The following CLMN variants were observed in gnomAD, a reference collection of about 807,000 sequenced individuals.
The protein encoded by CLMN is calmin (calponin-like, transmembrane).
In CLMN, 57 loss-of-function variants were observed where a neutral mutation model predicts 92.7. The observed-to-expected ratio is 0.61, with a 90% CI of 0.50 to 0.77. The LOEUF (loss-of-function observed/expected upper bound fraction) is 0.77, where lower values mean the gene tolerates loss of function less well. Ranked by LOEUF, CLMN falls within the 30% of genes least tolerant of loss-of-function variation. CLMN has a pLI of 0.00. For missense variants in CLMN, 1,158 were observed against 1,237.5 expected, an observed-to-expected ratio of 0.94 and a Z score of 0.96; for synonymous variants, 466 against 470.6, an observed-to-expected ratio of 0.99 and a Z score of 0.13.
chr14:95,240,899 G>A (rs1000872251), intron 1 of CLMN, among the ~76,000 whole-genome samples: 7 of 152,248 alleles, frequency 4.6e-5, no homozygotes, highest in Non-Finnish European at 1.0e-4. Context: ...GCACCTTGCC[G>A]GGCTGCTTGA....
Position 95,185,234 on chromosome 14 carries a change from G to C in CLMN, c.*6330C>G, listed in dbSNP as rs1490362034. ...GTCTGTGCACCGGGCTCACTTCCAT[G>C]AGCTGCTGACTGCTGTTTTCCAAGG... On this transcript the variant is annotated 3_prime_UTR_variant, in exon 13 of 13. Coordinates refer to ENST00000298912, the MANE Select transcript of CLMN (RefSeq NM_024734.4). The C allele has an allele frequency of 6.6e-6, 1 of 152,298 alleles. No homozygotes were observed. Among genetic ancestry groups the C allele is most frequent in the Non-Finnish European group, 1.5e-5 (1 of 68,086 alleles). 9.4% of individuals were successfully genotyped at this position (152,298 alleles called of 1,614,324 possible).
chr14:95,258,038 CGA>C (rs908888615), intron 1 of CLMN, among the ~76,000 whole-genome samples: 1 of 148,726 alleles, frequency 6.7e-6, no homozygotes, highest in African/African-American at 2.5e-5. Flanking sequence ...GAGTGTGGTG[CGA>C]GTGTGCAGAA....
intron 1 of CLMN, among the ~76,000 whole-genome samples, chr14:95,247,613 G>T (rs549238657): frequency 6.6e-6 from 1 of 152,246 alleles, no homozygotes; most frequent in East Asian, 1.9e-4. Flanking sequence ...CACCAGAAGG[G>T]TCTGCAGACC....
At chr14:95,195,656 G>A (rs28474937) in intron 10 of CLMN, among the ~76,000 whole-genome samples, 20,429 of 152,262 alleles carry the variant, frequency 0.13, 2,386 homozygotes, top group African/African-American at 0.31. Flanking sequence ...CTAAGCTGGG[G>A]AAGTTACCTG....
chr14:95,319,865 C>CCTGGCTGGCGGGCGCGGA lies in CLMN; in HGVS notation c.-74_-73insTCCGCGCCCGCCAGCCAG. ...GCGGAGAGCCTGGCTGGCGGGCGCG[C>CCTGGCTGGCGGGCGCGGA]GAGCGGCACGCACCCGGCGAGGGCG... is the stretch of plus-strand genomic sequence containing the variant. On this transcript the variant is annotated 5_prime_UTR_variant, in exon 1 of 13. Coordinates refer to ENST00000298912, the MANE Select transcript of CLMN (RefSeq NM_024734.4). 1 of 826,414 alleles carries CCTGGCTGGCGGGCGCGGA rather than the reference C, an allele frequency of 1.2e-6. No individual in the cohort carries two copies. The highest frequency in any genetic ancestry group is 1.5e-6 in the Non-Finnish European group (1 of 685,014). 51.2% of individuals were successfully genotyped at this position (826,414 alleles called of 1,614,324 possible).
chr14:95,194,385 T>G lies in CLMN; in HGVS notation c.2769+151A>C. 6.7e-7 allele frequency: 1 copy of G among 1,498,548 alleles called. No individual in the cohort carries two copies. 92.8% of individuals were successfully genotyped at this position (1,498,548 alleles called of 1,614,324 possible). On this transcript the variant is annotated intron_variant, in intron 11 of 12. Transcript: ENST00000298912. The surrounding 1 kb of genome is among the most constrained non-coding windows in gnomAD (Gnocchi z 4.0). ...ACCGGATATCCGATCGGACTGTGCT[T>G]AATGATAAGGTTCCAATCTGCTTGT...
intron 6 of CLMN, among the ~76,000 whole-genome samples, 171 bp downstream of exon 6, chr14:95,213,048 A>T (rs542824533): frequency 1.5e-4 from 23 of 152,226 alleles, no homozygotes; most frequent in African/African-American, 5.5e-4. Flanking sequence ...CGGCCTCCCA[A>T]AGTGCTGGGA....
At chr14:95,312,330 G>A (rs1901577154) in intron 1 of CLMN, among the ~76,000 whole-genome samples, 1 of 152,168 alleles carries the variant, frequency 6.6e-6, no homozygotes, top group Non-Finnish European at 1.5e-5. Flanking sequence ...AAAGGACCAG[G>A]CTTCAAGTGG....
intron 1 of CLMN, among the ~76,000 whole-genome samples, chr14:95,250,883 G>A (rs987574742): frequency 5.3e-5 from 8 of 152,184 alleles, no homozygotes; most frequent in South Asian, 2.1e-4. Context: ...AAGATGATGA[G>A]CTACATGTTT....
At chr14:95,220,804 G>T (rs1467228572) in intron 4 of CLMN, among the ~76,000 whole-genome samples, 1 of 152,226 alleles carries the variant, frequency 6.6e-6, no homozygotes, top group Non-Finnish European at 1.5e-5. Flanking sequence ...CCACAAAGCA[G>T]AGAGAGCTCC....
At chr14:95,304,469 G>A (rs1901189402) in intron 1 of CLMN, among the ~76,000 whole-genome samples, 1 of 152,120 alleles carries the variant, frequency 6.6e-6, no homozygotes, top group Non-Finnish European at 1.5e-5. Flanking sequence ...CTGGAAATGG[G>A]GTTAAAGTGC....
intron 8 of CLMN, among the ~76,000 whole-genome samples, chr14:95,205,429 G>A (rs1477334812): frequency 3.3e-5 from 5 of 152,130 alleles, no homozygotes; most frequent in African/African-American, 1.2e-4. Context: ...TGTGCTACAA[G>A]CAATACAAAA....
chr14:95,295,427 T>C (rs1425247140), intron 1 of CLMN, among the ~76,000 whole-genome samples: 5 of 152,254 alleles, frequency 3.3e-5, no homozygotes, highest in Admixed American at 1.3e-4. Flanking sequence ...CCTGGGGGGA[T>C]AGCCCAGCAG....
intron 1 of CLMN, among the ~76,000 whole-genome samples, chr14:95,257,706 G>T (rs918105422): frequency 1.3e-5 from 2 of 152,232 alleles, no homozygotes; most frequent in African/African-American, 4.8e-5. Flanking sequence ...GAGCTACCAT[G>T]TTCTAGTAAG....
chr14:95,310,557 G>A (rs1261966851), intron 1 of CLMN, among the ~76,000 whole-genome samples: 1 of 152,208 alleles, frequency 6.6e-6, no homozygotes, highest in East Asian at 1.9e-4. Flanking sequence ...CATCTTGCAG[G>A]GGAGGCATTG....
intron 1 of CLMN, among the ~76,000 whole-genome samples, chr14:95,275,030 C>T (rs1313932563): frequency 6.6e-6 from 1 of 151,576 alleles, no homozygotes; most frequent in African/African-American, 2.4e-5. Flanking sequence ...ATTTACTGAC[C>T]CTTACTGTAG....
chr14:95,202,806 AC>A (rs1800889616), intron 9 of CLMN, 31 bp downstream of exon 9: 1 of 1,507,764 alleles, frequency 6.6e-7, no homozygotes, highest in African/African-American at 1.4e-5. Flanking sequence ...CCCAGGCAGG[AC>A]CCAGGGTTCC....
intron 1 of CLMN, among the ~76,000 whole-genome samples, chr14:95,277,739 T>C (rs907523897): frequency 6.6e-6 from 1 of 152,362 alleles, no homozygotes; most frequent in Admixed American, 6.5e-5. Context: ...GCAATTCTCC[T>C]GTCTCAGCCT....
intron 2 of CLMN, among the ~76,000 whole-genome samples, chr14:95,224,277 A>C (rs1342885811): frequency 6.6e-6 from 1 of 151,882 alleles, no homozygotes; most frequent in Admixed American, 6.6e-5. Context: ...TTATTTATTT[A>C]TTTATTTATT....
Sources: gnomAD v4.1 joint callset for allele counts (sites outside exome capture counted in the v4.1 genomes callset) on GRCh38, gnomAD v4.1.1 for gene constraint, Gnocchi (gnomAD v3.1) non-coding constraint, MANE v1.5 for transcripts, NCBI Gene and HGNC (gene_info 2026-07-23, HGNC 2026-07-21) for gene names.